Variants in CDYL observed in about 807,000 individuals in gnomAD.
CDYL encodes the protein chromodomain Y-like protein.
In CDYL, 8 loss-of-function variants were observed where a neutral mutation model predicts 47.3. The observed-to-expected ratio is 0.17, with a 90% confidence interval of 0.10 to 0.31. The LOEUF is 0.31. CDYL is among the 10% of genes least tolerant of loss of function. The probability of loss-of-function intolerance (pLI) is 1.00; values close to 1 mark genes in which losing one functional copy is unlikely to be tolerated. For missense variants in CDYL, 471 were observed against 701.4 expected, an observed-to-expected ratio of 0.67 and a Z score of 3.71; for synonymous variants, 266 against 265.0, an observed-to-expected ratio of 1.00 and a Z score of -0.04.
At chr6:4,900,779 G>GTATGTATATATA (rs1757008849) in intron 2 of CDYL, among the ~76,000 whole-genome samples, 1 of 51,706 alleles carries the variant, frequency 1.9e-5, no homozygotes, top group African/African-American at 6.3e-5. Flanking sequence ...GTATACGTGT[G>GTATGTATATATA]TATATATATA....
intron 1 of CDYL, among the ~76,000 whole-genome samples, chr6:4,793,470 G>A (rs940550144): frequency 6.6e-6 from 1 of 152,220 alleles, no homozygotes; most frequent in Admixed American, 6.5e-5. Context: ...AACCAAGGGA[G>A]AGAATGGCGG....
At chr6:4,716,099 A>G (rs1757255428) in intron 2 of CDYL, among the ~76,000 whole-genome samples, 1 of 149,208 alleles carries the variant, frequency 6.7e-6, no homozygotes, top group Non-Finnish European at 1.5e-5. Context: ...ATACAAAAAA[A>G]TTAGCCTGGC....
intron 3 of CDYL, among the ~76,000 whole-genome samples, chr6:4,747,916 T>G (rs1413284110): frequency 6.6e-6 from 1 of 152,228 alleles, no homozygotes; most frequent in Non-Finnish European, 1.5e-5. Flanking sequence ...CCTTCTACAT[T>G]GTAAGTTCCA....
At chr6:4,738,975 A>T (rs992355464) in intron 3 of CDYL, among the ~76,000 whole-genome samples, 10 of 152,066 alleles carry the variant, frequency 6.6e-5, no homozygotes, top group Non-Finnish European at 1.3e-4. Context: ...CAGCCTGACC[A>T]ACATGGAGAA....
chr6:4,707,026 C>A (rs1757058501), intron 1 of CDYL, among the ~76,000 whole-genome samples: 1 of 152,056 alleles, frequency 6.6e-6, no homozygotes, highest in Non-Finnish European at 1.5e-5. Context: ...AACAGAGGCA[C>A]CAACTACCAG....
At chr6:4,830,598 A>T (rs1027054931) in intron 1 of CDYL, among the ~76,000 whole-genome samples, 1 of 150,438 alleles carries the variant, frequency 6.6e-6, no homozygotes, top group African/African-American at 2.5e-5. Context: ...ATTTATTTTA[A>T]TTTTTTATTT....
chr6:4,910,766 A>AG (rs1334503547), intron 2 of CDYL, among the ~76,000 whole-genome samples: 4 of 152,154 alleles, frequency 2.6e-5, no homozygotes, highest in Non-Finnish European at 4.4e-5. Flanking sequence ...TTTGGATAGA[A>AG]GGCATGAAGT....
At chr6:4,867,734 G>C (rs1454490695) in intron 1 of CDYL, among the ~76,000 whole-genome samples, 1 of 147,028 alleles carries the variant, frequency 6.8e-6, no homozygotes, top group African/African-American at 2.5e-5. Context: ...TTTCATGTCT[G>C]TGTTTATGAG....
chr6:4,952,513 C>A lies in CDYL; in HGVS notation c.1476+104C>A, dbSNP rs1758739224. On this transcript the variant is annotated intron_variant, in intron 6 of 6. Transcript: ENST00000397588. Reference sequence around the variant, plus strand: ...TTATTCCTAAGTCCTTTACGTTTGTCCTCAACAGAGCACCTTCCCGTGAAG... The same window carrying A: ...TTATTCCTAAGTCCTTTACGTTTGTACTCAACAGAGCACCTTCCCGTGAAG... 3 of 1,286,350 alleles carry A rather than the reference C, an allele frequency of 2.3e-6. No individual in the cohort carries two copies. The Admixed American group carries it at 7.5e-5, about 32-fold the overall frequency. The allele number at this position is 1,286,350 out of a possible 1,614,324, so 79.7% of individuals were successfully genotyped here.
chr6:4,749,638 G>T (rs1283463608), intron 3 of CDYL, among the ~76,000 whole-genome samples: 1 of 152,198 alleles, frequency 6.6e-6, no homozygotes, highest in Non-Finnish European at 1.5e-5. Context: ...ATGATCCCAG[G>T]TTGTTTTAAA....
chr6:4,730,645 G>A (rs1757587503), intron 2 of CDYL, among the ~76,000 whole-genome samples: 1 of 130,404 alleles, frequency 7.7e-6, no homozygotes, highest in Non-Finnish European at 1.5e-5. Flanking sequence ...TTGTACTCCA[G>A]CCTGGGCAAC....
chr6:4,930,658 A>G (rs1374927477), intron 2 of CDYL, among the ~76,000 whole-genome samples: 1 of 152,240 alleles, frequency 6.6e-6, no homozygotes, highest in African/African-American at 2.4e-5. Context: ...AGAGGGTGTC[A>G]CAAGTCATTG....
chr6:4,867,493 TTTTA>T, intron 1 of CDYL, among the ~76,000 whole-genome samples: 1 of 152,250 alleles, frequency 6.6e-6, no homozygotes, highest in Middle Eastern at 3.4e-3. Context: ...GAATGTTCCC[TTTTA>T]TTTCTAATTT....
intron 1 of CDYL, among the ~76,000 whole-genome samples, chr6:4,829,064 G>T (rs1376171576): frequency 3.9e-5 from 6 of 152,194 alleles, no homozygotes; most frequent in African/African-American, 1.4e-4. Flanking sequence ...GTCTGCCTGG[G>T]TTTCCTTCTG....
intron 2 of CDYL, chr6:4,928,651 C>A (rs990999925): frequency 6.6e-6 from 1 of 151,994 alleles, no homozygotes; most frequent in African/African-American, 2.4e-5. Flanking sequence ...AATTTTCTTT[C>A]TTTTCTCTGT....
chr6:4,927,700 G>A (rs1031901529), intron 2 of CDYL, among the ~76,000 whole-genome samples: 8 of 152,144 alleles, frequency 5.3e-5, no homozygotes, highest in South Asian at 2.1e-4. Context: ...GATTCCAGGC[G>A]TGAGCCAACA....
intron 1 of CDYL, among the ~76,000 whole-genome samples, chr6:4,831,002 A>G (rs1184977348): frequency 2.6e-5 from 4 of 151,890 alleles, no homozygotes; most frequent in Non-Finnish European, 5.9e-5. Flanking sequence ...CCAGTCTATC[A>G]TTGTTGGACA....
intron 1 of CDYL, among the ~76,000 whole-genome samples, chr6:4,858,043 A>G (rs979593671): frequency 1.0e-4 from 14 of 133,868 alleles, no homozygotes; most frequent in African/African-American, 4.1e-4. Context: ...GTATCGCACT[A>G]GTTCAAGGCT....
chr6:4,801,006 C>T (rs1225796467), intron 1 of CDYL, among the ~76,000 whole-genome samples: 2 of 152,162 alleles, frequency 1.3e-5, no homozygotes, highest in African/African-American at 4.8e-5. Context: ...TTTCCTCTCT[C>T]TAGAGTCCAA....
Sources: gnomAD v4.1 joint callset for allele counts (sites outside exome capture counted in the v4.1 genomes callset) on GRCh38, gnomAD v4.1.1 for gene constraint, MANE v1.5 for transcripts, NCBI Gene and HGNC (gene_info 2026-07-23, HGNC 2026-07-21) for gene names.